Variants in SAMD3 observed in about 807,000 individuals in gnomAD.
SAMD3 encodes the protein sterile alpha motif domain containing 3.
A neutral mutation model predicts 58.5 loss-of-function variants in SAMD3; 63 were observed. The observed-to-expected ratio is 1.08, with a 90% CI of 0.88 to 1.33. SAMD3 has a LOEUF of 1.33. SAMD3 is among the 40% of genes most tolerant of loss of function. SAMD3 has a pLI of 0.00. For synonymous variants in SAMD3, 220 were observed against 210.3 expected (o/e 1.05, Z -0.40); for missense variants, 604 against 608.4 (o/e 0.99, Z 0.08).
At chr6:130,262,824 T>C (rs1562486902) in intron 2 of SAMD3, among the ~76,000 whole-genome samples, 1 of 152,140 alleles carries the variant, frequency 6.6e-6, no homozygotes, top group Non-Finnish European at 1.5e-5. Context: ...AGTTTCAAAA[T>C]GTTAATTGAA....
chr6:130,272,402 CTTAT>C (rs1300113401), intron 2 of SAMD3, among the ~76,000 whole-genome samples: 2 of 152,142 alleles, frequency 1.3e-5, no homozygotes, highest in African/African-American at 4.8e-5. Context: ...CAGTATCTAA[CTTAT>C]TTATCTATTT....
At chr6:130,197,463 A>G (rs1198956761) in intron 5 of SAMD3, among the ~76,000 whole-genome samples, 1 of 151,968 alleles carries the variant, frequency 6.6e-6, no homozygotes, top group Non-Finnish European at 1.5e-5. Context: ...CTCCTTAGGC[A>G]CTCTCTAATC....
chr6:130,317,850 T>C (rs1050494542), intron 1 of SAMD3, among the ~76,000 whole-genome samples: 1 of 152,156 alleles, frequency 6.6e-6, no homozygotes, highest in African/African-American at 2.4e-5. Flanking sequence ...GGAGAGAGTA[T>C]TCAGGCTGCA....
chr6:130,340,951 G>C (rs536039393), intron 1 of SAMD3, among the ~76,000 whole-genome samples: 2 of 152,312 alleles, frequency 1.3e-5, no homozygotes, highest in East Asian at 3.9e-4. Flanking sequence ...CAGTTGGGGT[G>C]TGTCATCCTT....
chr6:130,313,849 C>A (rs553795433), intron 1 of SAMD3, among the ~76,000 whole-genome samples: 3 of 152,328 alleles, frequency 2.0e-5, no homozygotes, highest in East Asian at 3.9e-4. Context: ...TCCTTCCCTG[C>A]AAGCTCACAG....
intron 7 of SAMD3, among the ~76,000 whole-genome samples, chr6:130,179,639 C>T (rs1365948217): frequency 6.7e-6 from 1 of 149,532 alleles, no homozygotes; most frequent in Non-Finnish European, 1.5e-5. Context: ...GACATAATAA[C>T]GAATGCAATG....
At chr6:130,192,153 C>T (rs972609787) in intron 5 of SAMD3, among the ~76,000 whole-genome samples, 14 of 152,308 alleles carry the variant, frequency 9.2e-5, no homozygotes, top group East Asian at 1.9e-4. Context: ...GATTTTCCTA[C>T]GTCCTTGTTG....
rs774036634 is a variant in SAMD3, at chr6:130,294,909, A to ATTTTTTTTTTT, written c.-188+18058_-188+18068dup. ...TCTAATTTTTCCATACATTTCTCTG[A>ATTTTTTTTTTT]TTTTTTTTTTTTTTTTTTTTTTTTT... On this transcript the variant is annotated intron_variant, in intron 2 of 13. Coordinates refer to the SAMD3 transcript ENST00000368134. Among the ~76,000 whole-genome samples, 31 of 56,148 alleles carry ATTTTTTTTTTT rather than the reference A, an allele frequency of 5.5e-4. 1 individual carries two copies. Among genetic ancestry groups the ATTTTTTTTTTT allele is most frequent in the Admixed American group, 9.8e-4 (5 of 5,090 alleles). The allele number at this position is 56,148 out of a possible 152,430, so 36.8% of individuals were successfully genotyped here. A position where few individuals can be genotyped will look rare whatever the true frequency, so the allele number is the denominator to read the frequency against.
rs1562452862 is a variant in SAMD3 at position 130,211,275 on chromosome 6, AATTTT to A, written c.270-1672_270-1668del. Among the ~76,000 whole-genome samples the A allele has an allele frequency of 3.7e-5, 5 of 134,306 alleles. 1 individual carries two copies. The highest frequency in any genetic ancestry group is 1.6e-5 in the Non-Finnish European group (1 of 63,810). 88.1% of individuals were successfully genotyped at this position (134,306 alleles called of 152,430 possible). On this transcript the variant is annotated intron_variant, in intron 4 of 11. Transcript: ENST00000439090. ...ATTCTTTCAATCAATTGCCAATCAG[AATTTT>A]TTTTTTTTTTTTTTTTTTTCTGAGA...
At chr6:130,245,244 G>A (rs758536969) in intron 2 of SAMD3, among the ~76,000 whole-genome samples, 5 of 152,226 alleles carry the variant, frequency 3.3e-5, no homozygotes, top group Admixed American at 1.3e-4. Context: ...AAGGCAAGTA[G>A]AAAATACACT....
intron 8 of SAMD3, among the ~76,000 whole-genome samples, chr6:130,169,397 T>C (rs904727444): frequency 6.6e-6 from 1 of 152,160 alleles, no homozygotes; most frequent in South Asian, 2.1e-4. Flanking sequence ...GGAGAGGCTA[T>C]AGTCTTCAAA....
chr6:130,316,858 G>C (rs1278469176), intron 1 of SAMD3, among the ~76,000 whole-genome samples: 1 of 152,168 alleles, frequency 6.6e-6, no homozygotes, highest in East Asian at 1.9e-4. Flanking sequence ...CAAAGGATTT[G>C]ATTTTCACAG....
chr6:130,152,026 T>A (rs915245), intron 9 of SAMD3, among the ~76,000 whole-genome samples: 2 of 152,160 alleles, frequency 1.3e-5, no homozygotes, highest in South Asian at 4.1e-4. Context: ...TTTAAATGCC[T>A]TGTTGAAAGA....
chr6:130,323,802 C>CAAAAAAAAAAA (rs766078214), intron 1 of SAMD3, among the ~76,000 whole-genome samples: 9 of 53,544 alleles, frequency 1.7e-4, no homozygotes, highest in Non-Finnish European at 2.6e-4. Flanking sequence ...GACTCTGTCT[C>CAAAAAAAAAAA]AAAAAAAAAA....
intron 1 of SAMD3, among the ~76,000 whole-genome samples, chr6:130,342,321 T>C (rs1166447779): frequency 6.6e-6 from 1 of 152,218 alleles, no homozygotes; most frequent in South Asian, 2.1e-4. Flanking sequence ...TAATGAGCTG[T>C]TTTTTGCTAT....
At chr6:130,268,847 T>C (rs1027169384) in intron 2 of SAMD3, among the ~76,000 whole-genome samples, 1 of 152,220 alleles carries the variant, frequency 6.6e-6, no homozygotes, top group African/African-American at 2.4e-5. Flanking sequence ...AAATGATGCA[T>C]GGCTGTACTA....
intron 2 of SAMD3, among the ~76,000 whole-genome samples, chr6:130,301,877 AG>A (rs1440174561): frequency 6.6e-6 from 1 of 152,210 alleles, no homozygotes; most frequent in Non-Finnish European, 1.5e-5. Flanking sequence ...AAATGGTCTG[AG>A]AAAACTGAGT....
At chr6:130,262,240 G>A (rs1774167037) in intron 2 of SAMD3, among the ~76,000 whole-genome samples, 1 of 151,798 alleles carries the variant, frequency 6.6e-6, no homozygotes, top group African/African-American at 2.4e-5. Context: ...CCTTGACCCA[G>A]TAACCTGTGG....
intron 2 of SAMD3, among the ~76,000 whole-genome samples, chr6:130,295,889 A>G (rs1336137827): frequency 6.6e-6 from 1 of 152,216 alleles, no homozygotes; most frequent in Non-Finnish European, 1.5e-5. Context: ...TGGCAAGTTT[A>G]GTTTTCCCAA....
Sources: gnomAD v4.1 joint callset for allele counts (sites outside exome capture counted in the v4.1 genomes callset) on GRCh38, gnomAD v4.1.1 for gene constraint, MANE v1.5 for transcripts, NCBI Gene and HGNC (gene_info 2026-07-23, HGNC 2026-07-21) for gene names.